MYO3B: variants seen among roughly 807,000 people sequenced by gnomAD.
The protein encoded by MYO3B is myosin-IIIb.
Under a neutral mutation model 174.6 loss-of-function variants are expected in MYO3B, and 156 were observed. The ratio of observed to expected loss-of-function variants is 0.89; its 90% CI spans 0.78 to 1.02. The LOEUF (loss-of-function observed/expected upper bound fraction) is 1.02, where lower values mean the gene tolerates loss of function less well. Ranked by LOEUF, MYO3B falls within the 50% of genes least tolerant of loss-of-function variation. The pLI is 0.00. For synonymous variants in MYO3B, 563 were observed against 569.1 expected, an observed-to-expected ratio of 0.99 and a Z score of 0.15; for missense variants, 1,632 against 1,639.4, an observed-to-expected ratio of 1.00 and a Z score of 0.08.
chr2:170,220,028 G>A (rs577315434), intron 6 of MYO3B, among the ~76,000 whole-genome samples: 35 of 152,294 alleles, frequency 2.3e-4, no homozygotes, highest in Non-Finnish European at 4.0e-4. Flanking sequence ...GGAGGCCAAG[G>A]TGGGCAGATC....
intron 30 of MYO3B, among the ~76,000 whole-genome samples, chr2:170,537,152 G>A (rs1244666605): frequency 6.8e-6 from 1 of 147,894 alleles, no homozygotes; most frequent in African/African-American, 2.5e-5. Flanking sequence ...AGTGAGCCGA[G>A]ATCGTGCCAC....
At chr2:170,467,988 A>G (rs1157880309) in intron 25 of MYO3B, among the ~76,000 whole-genome samples, 2 of 152,132 alleles carry the variant, frequency 1.3e-5, no homozygotes, top group East Asian at 3.8e-4. Flanking sequence ...TTTTGTAACA[A>G]TGTTTGAATA....
chr2:170,575,093 C>T (rs1003005864), intron 32 of MYO3B, among the ~76,000 whole-genome samples: 1 of 152,086 alleles, frequency 6.6e-6, no homozygotes, highest in African/African-American at 2.4e-5. Context: ...GTTTGTGACA[C>T]TTCTAATTGA....
chr2:170,588,931 G>A (rs766952886), intron 32 of MYO3B, among the ~76,000 whole-genome samples: 8 of 152,170 alleles, frequency 5.3e-5, no homozygotes, highest in Middle Eastern at 3.2e-3. Context: ...ATTTGCCAAC[G>A]TTGCAAAAAT....
chr2:170,323,503 A>G (rs978467722), intron 7 of MYO3B, among the ~76,000 whole-genome samples: 14 of 152,244 alleles, frequency 9.2e-5, no homozygotes, highest in African/African-American at 3.1e-4. Flanking sequence ...CTCTAGCAGA[A>G]TCTAAAGAAG....
intron 23 of MYO3B, among the ~76,000 whole-genome samples, chr2:170,460,948 A>G (rs905188097): frequency 6.6e-6 from 1 of 152,186 alleles, no homozygotes; most frequent in African/African-American, 2.4e-5. Flanking sequence ...CACATCAAGG[A>G]TTTTTTGGTC....
chr2:170,325,454 C>T (rs1194723756), intron 7 of MYO3B, among the ~76,000 whole-genome samples: 2 of 152,122 alleles, frequency 1.3e-5, no homozygotes, highest in African/African-American at 2.4e-5. Flanking sequence ...GTGATCCACC[C>T]GCCTCAGCCT....
intron 32 of MYO3B, among the ~76,000 whole-genome samples, chr2:170,617,536 T>C (rs1330747474): frequency 6.6e-6 from 1 of 152,214 alleles, no homozygotes; most frequent in African/African-American, 2.4e-5. Flanking sequence ...ACAAAGTGGA[T>C]TTACTTATAA....
At chr2:170,577,198 A>T (rs1194120411) in intron 32 of MYO3B, among the ~76,000 whole-genome samples, 2 of 152,228 alleles carry the variant, frequency 1.3e-5, no homozygotes, top group Non-Finnish European at 2.9e-5. Flanking sequence ...AGAGCAAAAA[A>T]TTCTATGTAA....
chr2:170,607,296 A>T (rs1405542786), intron 32 of MYO3B, among the ~76,000 whole-genome samples: 2 of 152,232 alleles, frequency 1.3e-5, no homozygotes, highest in East Asian at 3.8e-4. Context: ...GCAGAAATAA[A>T]CAATCCCCAC....
chr2:170,354,899 A>G (rs148282718), intron 8 of MYO3B, among the ~76,000 whole-genome samples: 1 of 151,024 alleles, frequency 6.6e-6, no homozygotes, highest in Admixed American at 6.6e-5. Flanking sequence ...AAAATATTTT[A>G]TCTTGCAAAA....
intron 30 of MYO3B, among the ~76,000 whole-genome samples, chr2:170,538,753 G>C (rs770215635): frequency 6.6e-6 from 1 of 152,148 alleles, no homozygotes; most frequent in Non-Finnish European, 1.5e-5. Context: ...CGAAGCGGTC[G>C]AGCCCTGGAG....
chr2:170,538,279 G>A (rs151253801), intron 30 of MYO3B, among the ~76,000 whole-genome samples: 14 of 152,278 alleles, frequency 9.2e-5, no homozygotes, highest in African/African-American at 2.6e-4. Flanking sequence ...GAGGGGAAAA[G>A]TATAGTCCAG....
At chr2:170,476,535 G>A (rs796891162) in intron 25 of MYO3B, among the ~76,000 whole-genome samples, 17 of 152,206 alleles carry the variant, frequency 1.1e-4, no homozygotes, top group African/African-American at 3.9e-4. Context: ...TTCCTCTGGA[G>A]TTTGGCTGTC....
intron 25 of MYO3B, among the ~76,000 whole-genome samples, chr2:170,470,102 CAAAAAAAAAAAAAAAA>C (rs34472083): frequency 4.3e-5 from 2 of 46,366 alleles, no homozygotes; most frequent in Non-Finnish European, 7.7e-5. Context: ...AACTCCGTCT[CAAAAAAAAAAAAAAAA>C]AAAAAAAAAA....
rs142591097 is a variant in MYO3B at position 170,311,827 on chromosome 2, A to G, written c.750-23558A>G. Among the ~76,000 whole-genome samples the G allele has an allele frequency of 4.6e-5, 7 of 152,258 alleles. No individual in the cohort carries two copies. The East Asian group carries it at 1.4e-3, about 29-fold the overall frequency. On this transcript the variant is annotated intron_variant, in intron 7 of 34. Coordinates refer to ENST00000408978, the MANE Select transcript of MYO3B (RefSeq NM_138995.5). ...CCAACTTCGTCTTTTGTGTCTGTAT[A>G]TGCAGTTTTCCCGGCACCGTTTGTT...
At chr2:170,334,108 A>G (rs1004541343) in intron 7 of MYO3B, 1 of 152,186 alleles carries the variant, frequency 6.6e-6, no homozygotes, top group Non-Finnish European at 1.5e-5. Context: ...TGGCTGCTCA[A>G]GCTCTAGCCA....
At chr2:170,196,858 C>A (rs982450995) in intron 1 of MYO3B, among the ~76,000 whole-genome samples, 3 of 152,102 alleles carry the variant, frequency 2.0e-5, no homozygotes, top group Non-Finnish European at 2.9e-5. Context: ...GAGCACCAGG[C>A]TAGGAGAAGG....
intron 1 of MYO3B, among the ~76,000 whole-genome samples, chr2:170,197,812 G>C (rs192107977): frequency 1.3e-5 from 2 of 152,074 alleles, no homozygotes; most frequent in Admixed American, 6.6e-5. Context: ...ACATTTTATG[G>C]TAATTTTGGC....
Sources: gnomAD v4.1 joint callset for allele counts (sites outside exome capture counted in the v4.1 genomes callset) on GRCh38, gnomAD v4.1.1 for gene constraint, MANE v1.5 for transcripts, NCBI Gene and HGNC (gene_info 2026-07-23, HGNC 2026-07-21) for gene names.